The following ODAD2 variants were observed in gnomAD, a reference collection of about 807,000 sequenced individuals.
ODAD2 encodes the protein outer dynein arm docking complex subunit 2.
A neutral mutation model predicts 106.8 loss-of-function variants in ODAD2; 89 were observed. That is an observed-to-expected ratio of 0.83 (90% CI 0.70 to 0.99). ODAD2 has a LOEUF of 0.99. Among genes scored for constraint, ODAD2 ranks in the 50% least tolerant of loss-of-function variants. ODAD2 has a pLI of 0.00. For synonymous variants in ODAD2, 404 were observed against 436.2 expected (o/e 0.93, Z 0.92); for missense variants, 1,168 against 1,238.5 (o/e 0.94, Z 0.85).
intron 17 of ODAD2, among the ~76,000 whole-genome samples, chr10:27,863,392 G>A (rs1840211141): frequency 6.6e-6 from 1 of 152,188 alleles, no homozygotes; most frequent in Non-Finnish European, 1.5e-5. Context: ...CAAGAAGGCA[G>A]AGAATCGCCT....
chr10:27,855,055 G>A (rs1332090295), intron 19 of ODAD2, among the ~76,000 whole-genome samples: 1 of 152,156 alleles, frequency 6.6e-6, no homozygotes, highest in Admixed American at 6.5e-5. Context: ...CCAGGAAACT[G>A]TGGGTGATCA....
intron 19 of ODAD2, among the ~76,000 whole-genome samples, chr10:27,829,815 C>T (rs911400524): frequency 6.6e-6 from 1 of 152,112 alleles, no homozygotes; most frequent in Non-Finnish European, 1.5e-5. Flanking sequence ...CAGAATAATA[C>T]TTCTTCCTCT....
chr10:27,925,739 C>A (rs1845209676), intron 16 of ODAD2, among the ~76,000 whole-genome samples: 1 of 152,066 alleles, frequency 6.6e-6, no homozygotes, highest in Non-Finnish European at 1.5e-5. Flanking sequence ...TATTCTTTTA[C>A]TTCATAGAGA....
At chr10:27,979,830 C>CAAAA (rs1849433072) in intron 7 of ODAD2, among the ~76,000 whole-genome samples, 5 of 152,078 alleles carry the variant, frequency 3.3e-5, no homozygotes, top group Admixed American at 2.0e-4. Flanking sequence ...TATCAAAACC[C>CAAAA]AATGGCATTT....
At chr10:27,837,681 G>A (rs1384423508) in intron 19 of ODAD2, among the ~76,000 whole-genome samples, 1 of 152,090 alleles carries the variant, frequency 6.6e-6, no homozygotes, top group Non-Finnish European at 1.5e-5. Context: ...CATAAAGAAC[G>A]ACAAAATAAA....
intron 19 of ODAD2, among the ~76,000 whole-genome samples, chr10:27,854,096 G>A (rs1485656520): frequency 6.6e-6 from 1 of 152,136 alleles, no homozygotes; most frequent in East Asian, 1.9e-4. Context: ...TGCCCGAGGA[G>A]TTATACAGCT....
chr10:27,817,145 T>C (rs1836199533), intron 19 of ODAD2, among the ~76,000 whole-genome samples: 2 of 152,134 alleles, frequency 1.3e-5, no homozygotes, highest in African/African-American at 4.8e-5. Flanking sequence ...GAAGAGGAAA[T>C]AATGTAAAAA....
chr10:27,932,614 G>T (rs1845690913), intron 16 of ODAD2, among the ~76,000 whole-genome samples: 1 of 152,126 alleles, frequency 6.6e-6, no homozygotes, highest in Non-Finnish European at 1.5e-5. Flanking sequence ...TTCCATCTCA[G>T]GTTCTCCATG....
intron 4 of ODAD2, 71 bp downstream of exon 4, chr10:27,984,948 C>A: frequency 1.1e-6 from 1 of 935,300 alleles, no homozygotes; most frequent in Non-Finnish European, 1.6e-6. Flanking sequence ...CTTGCTCTGT[C>A]ACCCAGGCTG....
chr10:27,830,864 C>G (rs1025419469), intron 19 of ODAD2, among the ~76,000 whole-genome samples: 2 of 152,326 alleles, frequency 1.3e-5, no homozygotes, highest in African/African-American at 4.8e-5. Flanking sequence ...GTTAATATGG[C>G]TGTCTTCAGT....
intron 17 of ODAD2, among the ~76,000 whole-genome samples, chr10:27,873,913 T>C (rs892491908): frequency 7.9e-5 from 12 of 152,202 alleles, no homozygotes; most frequent in African/African-American, 2.7e-4. Flanking sequence ...GATATCCTTG[T>C]TAACTTTCTG....
chr10:27,995,547 T>C (rs1850510546), intron 1 of ODAD2: 1 of 170,988 alleles, frequency 5.8e-6, no homozygotes, highest in South Asian at 1.6e-4. Context: ...CACAGCTCTG[T>C]TGGGAGCCAG....
intron 2 of ODAD2, among the ~76,000 whole-genome samples, chr10:27,991,742 A>T (rs908039638): frequency 7.2e-5 from 11 of 152,206 alleles, no homozygotes; most frequent in African/African-American, 1.7e-4. Flanking sequence ...GTATCCAAGG[A>T]CATTCCTATT....
intron 19 of ODAD2, among the ~76,000 whole-genome samples, chr10:27,831,487 A>G (rs374053488): frequency 1.3e-5 from 2 of 152,200 alleles, no homozygotes; most frequent in East Asian, 3.9e-4. Flanking sequence ...ATTCATTTGA[A>G]GTTCTCAGCA....
rs117806824 is a variant in ODAD2 at position 27,928,547 on chromosome 10, C to G, written c.2495+6463G>C. Among the ~76,000 whole-genome samples, 455 of 152,186 alleles carry G rather than the reference C, an allele frequency of 3.0e-3. 4 individuals carry two copies. Among genetic ancestry groups the G allele is most frequent in the Non-Finnish European group, 1.7e-3 (113 of 67,964 alleles). On this transcript the variant is annotated intron_variant, in intron 16 of 19. Transcript: ENST00000305242. ...ACCTGAATTATCTATTGCCTGTTCA[C>G]TTATCTATGACATGCCCTCAAACCT...
At chr10:27,817,360 G>A (rs1443957368) in intron 19 of ODAD2, among the ~76,000 whole-genome samples, 2 of 152,016 alleles carry the variant, frequency 1.3e-5, no homozygotes, top group African/African-American at 4.8e-5. Context: ...CAAAAATTTT[G>A]GATATATTTC....
In ODAD2 at chr10:27,945,003, CAT is replaced by C. The variant is rs1491081819; in HGVS notation, c.1387-43_1387-42del. On this transcript the variant is annotated intron_variant, in intron 10 of 19. Transcript: ENST00000305242. ...GCCAGAGAAAGGTTAAGGAACACCG[CAT>C]TCCCATAGAAATGCACTAAGTAGTT... 5 of 1,608,058 alleles carry C rather than the reference CAT, an allele frequency of 3.1e-6. No homozygotes were observed. The South Asian group carries it at 3.3e-5, about 11-fold the overall frequency.
rs188854323 is a variant in ODAD2 at position 27,875,704 on chromosome 10, C to G, written c.2611-13082G>C. Among the ~76,000 whole-genome samples, 3 of 152,222 alleles carry G rather than the reference C, an allele frequency of 2.0e-5. No individual in the cohort carries two copies. The East Asian group carries it at 5.8e-4, about 29-fold the overall frequency. On this transcript the variant is annotated intron_variant, in intron 17 of 19. Transcript: ENST00000305242. Reference sequence around the variant, plus strand: ...GTCTTGTTGGACAGTGGCTGCAGGACAGTGGGTGCAGCCCACCGAGCATGA... The same window carrying G: ...GTCTTGTTGGACAGTGGCTGCAGGAGAGTGGGTGCAGCCCACCGAGCATGA...
In ODAD2 at chr10:27,902,845, TCA is replaced by T. The variant is rs1843308205; in HGVS notation, c.2610+4816_2610+4817del. ...AAAAAAAGCCCAGGATCAGATGGAC[TCA>T]CAGCAGAATTCTACCAGAGGTACAA... On this transcript the variant is annotated intron_variant, in intron 17 of 19. Coordinates refer to ENST00000305242, the MANE Select transcript of ODAD2 (RefSeq NM_018076.5). Among the ~76,000 whole-genome samples, 2 of 152,148 alleles carry T rather than the reference TCA, an allele frequency of 1.3e-5. 1 individual carries two copies. The highest frequency in any genetic ancestry group is 4.1e-4 in the South Asian group (2 of 4,824).
Sources: allele counts gnomAD v4.1 joint callset (sites outside exome capture counted in the v4.1 genomes callset), GRCh38; gene constraint gnomAD v4.1.1; transcripts MANE v1.5; gene names NCBI Gene and HGNC (gene_info 2026-07-23, HGNC 2026-07-21).